GREB1: variants seen among roughly 807,000 people sequenced by gnomAD.
GREB1 encodes the protein growth regulating estrogen receptor binding 1, also known as protein GREB1.
In GREB1, 106 loss-of-function variants were observed where a neutral mutation model predicts 200.7. The observed-to-expected ratio is 0.53, with a 90% CI of 0.45 to 0.62. The LOEUF is 0.62. Among genes scored for constraint, GREB1 ranks in the 20% least tolerant of loss-of-function variants. GREB1 has a pLI of 0.00. For synonymous variants in GREB1, 1,132 were observed against 1,092.4 expected, an observed-to-expected ratio of 1.04 and a Z score of -0.72; for missense variants, 2,243 against 2,556.8, an observed-to-expected ratio of 0.88 and a Z score of 2.65.
Position 11,625,293 on chromosome 2 carries a change from T to C in GREB1, c.4287T>C (p.Tyr1429=), listed in dbSNP as rs764110006. The part of the protein sequence containing the change: ...YEDASLICSH[Y]QGIKSEDRGM... ...ATGCCAGCCTGATTTGTTCGCACTA[T>C]CAGGGTATAAAGAGTGAAGGTCAGA... Residue 1429 remains tyrosine, a synonymous_variant, in exon 24 of 33, where the codon TAT becomes TAC. Coordinates refer to ENST00000381486, the MANE Select transcript of GREB1 (RefSeq NM_014668.4). The C allele has an allele frequency of 5.0e-6, 8 of 1,614,070 alleles. No homozygotes were observed. In the African/African-American group the frequency reaches 1.1e-4, roughly 22 times the overall value.
At chr2:11,491,993 G>A (rs1672783626) in intron 1 of GREB1, among the ~76,000 whole-genome samples, 1 of 152,202 alleles carries the variant, frequency 6.6e-6, no homozygotes, top group South Asian at 2.1e-4. Context: ...GACTTCTAGT[G>A]TCTGCACCCT....
chr2:11,494,839 C>CT (rs1402306359), intron 1 of GREB1, among the ~76,000 whole-genome samples: 2 of 152,224 alleles, frequency 1.3e-5, no homozygotes, highest in African/African-American at 4.8e-5. Flanking sequence ...ACCGCAGGTG[C>CT]TTAGACCATT....
At chr2:11,545,654 C>T (rs574692967) in intron 1 of GREB1, among the ~76,000 whole-genome samples, 61 of 152,214 alleles carry the variant, frequency 4.0e-4, no homozygotes, top group Admixed American at 1.4e-3. Flanking sequence ...CATCATTGGA[C>T]ATTCTAAAAT....
chr2:11,534,003 AAG>A (rs1464304237), upstream of GREB1: 1 of 152,260 alleles, frequency 6.6e-6, no homozygotes, highest in African/African-American at 2.4e-5. Flanking sequence ...ATTTTTTAAA[AAG>A]ATAAAAACCT....
intron 1 of GREB1, among the ~76,000 whole-genome samples, chr2:11,528,764 C>A (rs1673969381): frequency 6.6e-6 from 1 of 151,774 alleles, no homozygotes; most frequent in Admixed American, 6.6e-5. Flanking sequence ...GAAATTTTTC[C>A]TTTTTTTTGC....
At position 11,638,691 on chromosome 2, in the gene GREB1, C is replaced by T; in HGVS notation, c.5568C>T (p.Ser1856=). The change falls in exon 32 of 33, where the codon AGC becomes AGT. Residue 1856 remains serine (S), a synonymous_variant. Transcript: ENST00000381486. ...LGSQISVCYV[S]SRPHSLNISC... Reference sequence around the variant, plus strand: ...TTCAGATTTCTGTTTGCTATGTGAGCTCCAGGCCCCACTCTTTAAACATCA... The same window carrying T: ...TTCAGATTTCTGTTTGCTATGTGAGTTCCAGGCCCCACTCTTTAAACATCA... 6.2e-7 allele frequency: 1 copy of T among 1,613,988 alleles called. No individual in the cohort carries two copies. The highest frequency in any genetic ancestry group is 2.2e-5 in the East Asian group (1 of 44,878).
At chr2:11,564,149 T>C (rs916076251) in intron 3 of GREB1, among the ~76,000 whole-genome samples, 1 of 152,108 alleles carries the variant, frequency 6.6e-6, no homozygotes, top group African/African-American at 2.4e-5. Flanking sequence ...ATTATTTACG[T>C]AGGGGCCTGA....
At chr2:11,569,032 T>G (rs1380049831) in intron 4 of GREB1, among the ~76,000 whole-genome samples, 1 of 152,128 alleles carries the variant, frequency 6.6e-6, no homozygotes, top group Non-Finnish European at 1.5e-5. Context: ...GGTAATACCT[T>G]GAGGGAAGCA....
At chr2:11,533,850 A>G (rs1674166227), upstream of GREB1, among the ~76,000 whole-genome samples, 1 of 152,210 alleles carries the variant, frequency 6.6e-6, no homozygotes, top group Non-Finnish European at 1.5e-5. Context: ...GCAGAAATGT[A>G]AACACATAAT....
chr2:11,491,852 T>C (rs4233893), intron 1 of GREB1, among the ~76,000 whole-genome samples: 151,412 of 152,274 alleles, frequency 0.99, 75,287 homozygotes, highest in Non-Finnish European at 1. Flanking sequence ...TTTGGATGCC[T>C]GGTTTCTGCC....
At chr2:11,549,318 C>T (rs1003199239) in intron 1 of GREB1, among the ~76,000 whole-genome samples, 2 of 152,014 alleles carry the variant, frequency 1.3e-5, no homozygotes, top group African/African-American at 2.4e-5. Context: ...AAAATGTTTT[C>T]TCTTTGTGGG....
At chr2:11,624,405 C>T (rs891603412) in intron 23 of GREB1, among the ~76,000 whole-genome samples, 5 of 140,502 alleles carry the variant, frequency 3.6e-5, no homozygotes, top group Admixed American at 2.3e-4. Flanking sequence ...AGTGCAATGG[C>T]GAGATCTCAG....
Position 11,632,034 on chromosome 2 carries a change from C to A in GREB1, c.4737C>A (p.Tyr1579Ter). Reference protein sequence around the residue: ...SHLHVLVVKEYEMAIYKKYWP... With the variant: ...SHLHVLVVKE ...TGCACGTGCTGGTTGTCAAGGAATACGAGATGGCAATTTATAAGAAATATT... is the reference window on the plus strand; with the variant it reads ...TGCACGTGCTGGTTGTCAAGGAATAAGAGATGGCAATTTATAAGAAATATT... The change falls in exon 27 of 33, where the codon TAC becomes TAA. Residue 1579 changes from tyrosine to a stop codon, truncating the protein, a stop_gained. Transcript: ENST00000381486. LOFTEE classifies it high-confidence loss of function. The A allele has an allele frequency of 6.2e-7, 1 of 1,613,910 alleles. No homozygotes were observed. The highest frequency in any genetic ancestry group is 8.5e-7 in the Non-Finnish European group (1 of 1,179,824).
intron 1 of GREB1, among the ~76,000 whole-genome samples, chr2:11,518,881 G>A (rs561911125): frequency 3.4e-4 from 51 of 152,044 alleles, no homozygotes; most frequent in Non-Finnish European, 6.2e-4. Context: ...GGTGGATCAC[G>A]AGGTCAGGAG....
intron 1 of GREB1, among the ~76,000 whole-genome samples, chr2:11,483,120 C>A (rs1194017049): frequency 1.3e-5 from 2 of 152,140 alleles, no homozygotes; most frequent in African/African-American, 4.8e-5. Flanking sequence ...GGAAGGTGTC[C>A]GGGATCGGCC....
At position 11,635,223 on chromosome 2, in the gene GREB1, T is replaced by C. The variant is rs376416013; in HGVS notation, c.5211-47T>C. ...AGGTGCTGGGGGCAGTGACGGAGGG[T>C]GTGAGCTGTGCCCCATCAGACCCAC... On this transcript the variant is annotated intron_variant, in intron 29 of 32. Transcript: ENST00000381486. 3.7e-6 allele frequency: 6 copies of C among 1,611,038 alleles called. No individual in the cohort carries two copies. The African/African-American group carries it at 8.0e-5, about 22-fold the overall frequency.
Position 11,618,987 on chromosome 2 carries a change from C to T in GREB1, c.4044+68C>T, listed in dbSNP as rs1572159810. On this transcript the variant is annotated intron_variant, in intron 22 of 32. Coordinates refer to ENST00000381486, the MANE Select transcript of GREB1 (RefSeq NM_014668.4). ...GGTCCTCACACTCCCATCTGGAGGG[C>T]AGGCCTGGGGGTGACCGCACCCACG... 2.9e-6 allele frequency: 4 copies of T among 1,372,436 alleles called. No individual in the cohort carries two copies. The East Asian group carries it at 1.0e-4, about 35-fold the overall frequency. 85.0% of individuals were successfully genotyped at this position (1,372,436 alleles called of 1,614,324 possible).
intron 11 of GREB1, 55 bp from the exon 12 acceptor site, chr2:11,595,196 C>T: frequency 2.0e-6 from 3 of 1,529,024 alleles, no homozygotes; most frequent in Non-Finnish European, 2.7e-6. Context: ...TAGGGCTACA[C>T]AGCCCGTAAG....
intron 6 of GREB1, among the ~76,000 whole-genome samples, chr2:11,578,943 C>A (rs570491478): frequency 6.6e-6 from 1 of 152,098 alleles, no homozygotes; most frequent in African/African-American, 2.4e-5. Context: ...CCTCGTGGGC[C>A]GGAGGAGGTG....
Sources: gnomAD v4.1 joint callset for allele counts (sites outside exome capture counted in the v4.1 genomes callset) on GRCh38, gnomAD v4.1.1 for gene constraint, MANE v1.5 for transcripts, NCBI Gene and HGNC (gene_info 2026-07-23, HGNC 2026-07-21) for gene names.